Variants in CUL1 observed in about 807,000 individuals in gnomAD.
CUL1 encodes the protein cullin 1.
In CUL1, 24 loss-of-function variants were observed where a neutral mutation model predicts 118.0. The observed-to-expected ratio is 0.20, with a 90% CI of 0.15 to 0.29. CUL1 has a LOEUF of 0.29. Ranked by LOEUF, CUL1 falls within the 10% of genes least tolerant of loss-of-function variation. The pLI, the probability that CUL1 is intolerant of heterozygous loss-of-function variation, is 1.00. For missense variants in CUL1, 361 were observed against 933.8 expected, an observed-to-expected ratio of 0.39 and a Z score of 7.99; for synonymous variants, 332 against 340.4, an observed-to-expected ratio of 0.98 and a Z score of 0.27.
At chr7:148,774,535 C>T (rs1800333839) in intron 9 of CUL1, among the ~76,000 whole-genome samples, 1 of 152,196 alleles carries the variant, frequency 6.6e-6, no homozygotes, top group Non-Finnish European at 1.5e-5. Flanking sequence ...CACAGTTGCT[C>T]AGCAGTCTGG....
chr7:148,717,152 A>G (rs1798240234), intron 1 of CUL1, among the ~76,000 whole-genome samples: 1 of 152,044 alleles, frequency 6.6e-6, no homozygotes, highest in South Asian at 2.1e-4. Flanking sequence ...CTCCACCTCC[A>G]GGGTTCCAGC....
intron 1 of CUL1, among the ~76,000 whole-genome samples, chr7:148,719,922 A>G (rs1202773225): frequency 6.6e-6 from 1 of 152,230 alleles, no homozygotes; most frequent in Non-Finnish European, 1.5e-5. Flanking sequence ...AGAAACTCCT[A>G]CCTTCTAAGG....
At chr7:148,721,840 T>C (rs932525803) in intron 1 of CUL1, among the ~76,000 whole-genome samples, 1 of 152,164 alleles carries the variant, frequency 6.6e-6, no homozygotes, top group Non-Finnish European at 1.5e-5. Flanking sequence ...TGAATTCTCC[T>C]GTTGGTGGAC....
intron 9 of CUL1, among the ~76,000 whole-genome samples, chr7:148,772,973 T>C (rs2129461447): frequency 6.6e-6 from 1 of 152,206 alleles, no homozygotes. Context: ...CTGTTTTCTA[T>C]GCATTTTCTC....
chr7:148,800,790 G>A lies in CUL1; in HGVS notation c.*208G>A, dbSNP rs748356931. On this transcript the variant is annotated 3_prime_UTR_variant, in exon 22 of 22. Coordinates refer to ENST00000325222, the MANE Select transcript of CUL1 (RefSeq NM_003592.3). This position sits in a 1 kb window ranked among gnomAD's most constrained non-coding sequence, Gnocchi z 4.6. The stretch of plus-strand genomic sequence containing the variant: ...CAAGTCTGTAAATACGGACACCAAC[G>A]CCATTTACCCTAATTTAAGAACAGC... 20 of 500,810 alleles carry A rather than the reference G, an allele frequency of 4.0e-5. No individual in the cohort carries two copies. The highest frequency in any genetic ancestry group is 3.6e-5 in the Non-Finnish European group (10 of 281,248). 31.0% of individuals were successfully genotyped at this position (500,810 alleles called of 1,614,324 possible).
At chr7:148,730,396 A>G in intron 2 of CUL1, 134 bp downstream of exon 2, 1 of 1,112,740 alleles carries the variant, frequency 9.0e-7, no homozygotes, top group South Asian at 1.7e-5. Flanking sequence ...GTTCATTTTT[A>G]GCCTTAAGTT....
chr7:148,786,860 G>GT, intron 12 of CUL1, 129 bp from the exon 13 acceptor site: 2 of 1,241,662 alleles, frequency 1.6e-6, no homozygotes. Context: ...CATCATAAAC[G>GT]TTGGCGTACA....
intron 17 of CUL1, among the ~76,000 whole-genome samples, chr7:148,796,827 T>A (rs924151359): frequency 6.6e-6 from 1 of 152,152 alleles, no homozygotes; most frequent in Non-Finnish European, 1.5e-5. Flanking sequence ...CGCACCCTGC[T>A]CTAGATGCAG....
chr7:148,736,972 CTCT>C (rs1798965339), intron 2 of CUL1, among the ~76,000 whole-genome samples: 1 of 152,200 alleles, frequency 6.6e-6, no homozygotes, highest in African/African-American at 2.4e-5. Flanking sequence ...TTAAAAATTG[CTCT>C]TCTTTGCCTT....
chr7:148,792,144 CCACTG>C (rs1801034490), intron 16 of CUL1, among the ~76,000 whole-genome samples: 1 of 151,644 alleles, frequency 6.6e-6, no homozygotes, highest in Non-Finnish European at 1.5e-5. Flanking sequence ...CGAGATTGTG[CCACTG>C]CACTCCAGCC....
chr7:148,791,035 G>C (rs139934507), intron 16 of CUL1, among the ~76,000 whole-genome samples: 432 of 152,218 alleles, frequency 2.8e-3, no homozygotes, highest in African/African-American at 0.01. Context: ...TAAAGTCTAG[G>C]CTTGGGCTGG....
Position 148,767,760 on chromosome 7 carries a change from T to G in CUL1, c.1083+11T>G. ...GAAGCTGCTTTAAATGTAAGTGAGA[T>G]TTCATTGAAAATCAGTCAGGCTGAT... On this transcript the variant is annotated intron_variant, in intron 9 of 21. Coordinates refer to ENST00000325222, the MANE Select transcript of CUL1 (RefSeq NM_003592.3). 6.2e-7 allele frequency: 1 copy of G among 1,611,068 alleles called. No homozygotes were observed. Among genetic ancestry groups the G allele is most frequent in the Middle Eastern group, 1.7e-4 (1 of 6,046 alleles).
intron 2 of CUL1, among the ~76,000 whole-genome samples, chr7:148,740,136 T>C (rs1799094744): frequency 6.6e-6 from 1 of 151,890 alleles, no homozygotes; most frequent in African/African-American, 2.4e-5. Context: ...TACTGCAATC[T>C]CCACCTCGCA....
At chr7:148,792,448 ATAG>A (rs1458731786) in intron 16 of CUL1, among the ~76,000 whole-genome samples, 4 of 152,376 alleles carry the variant, frequency 2.6e-5, no homozygotes, top group Admixed American at 1.3e-4. Flanking sequence ...GGACGTATCT[ATAG>A]TATGTATCCA....
chr7:148,796,748 C>T (rs748767617), intron 17 of CUL1, among the ~76,000 whole-genome samples: 1 of 152,120 alleles, frequency 6.6e-6, no homozygotes, highest in Non-Finnish European at 1.5e-5. Context: ...AGGAGGCTGC[C>T]GCTGCTCTCT....
At chr7:148,740,816 A>G (rs1270087152) in intron 2 of CUL1, among the ~76,000 whole-genome samples, 1 of 152,226 alleles carries the variant, frequency 6.6e-6, no homozygotes, top group Non-Finnish European at 1.5e-5. Context: ...ACATACACAG[A>G]GGAAAGGCCA....
chr7:148,742,503 A>T (rs1372552870), intron 2 of CUL1, among the ~76,000 whole-genome samples: 1 of 151,904 alleles, frequency 6.6e-6, no homozygotes, highest in Non-Finnish European at 1.5e-5. Flanking sequence ...GGATTATTAC[A>T]GTTCAAGGTG....
At chr7:148,750,366 G>T (rs1563158575) in intron 2 of CUL1, among the ~76,000 whole-genome samples, 1 of 151,014 alleles carries the variant, frequency 6.6e-6, no homozygotes, top group African/African-American at 2.4e-5. Flanking sequence ...TTGTTACATA[G>T]GTATACATGT....
intron 3 of CUL1, among the ~76,000 whole-genome samples, chr7:148,754,511 T>C (rs958404819): frequency 2.0e-5 from 3 of 152,204 alleles, no homozygotes; most frequent in Non-Finnish European, 4.4e-5. Context: ...TTTGATAACC[T>C]TTTAGCATAA....
Sources: gnomAD v4.1 joint callset for allele counts (sites outside exome capture counted in the v4.1 genomes callset) on GRCh38, gnomAD v4.1.1 for gene constraint, Gnocchi (gnomAD v3.1) non-coding constraint, MANE v1.5 for transcripts, NCBI Gene and HGNC (gene_info 2026-07-23, HGNC 2026-07-21) for gene names.